SYCP1: variants seen among roughly 807,000 people sequenced by gnomAD.
The protein encoded by SYCP1 is cancer/testis antigen 8.
In SYCP1, 64 loss-of-function variants were observed where a neutral mutation model predicts 153.1. The ratio of observed to expected loss-of-function variants is 0.42; its 90% CI spans 0.34 to 0.51. The LOEUF (loss-of-function observed/expected upper bound fraction) is 0.51. SYCP1 is among the 20% of genes least tolerant of loss of function. SYCP1 has a pLI of 0.06. For missense variants in SYCP1, 997 were observed against 1,049.0 expected, an observed-to-expected ratio of 0.95 and a Z score of 0.68; for synonymous variants, 384 against 341.8, an observed-to-expected ratio of 1.12 and a Z score of -1.36.
chr1:114,984,595 A>T (rs1285271059), intron 29 of SYCP1, 130 bp from the exon 30 acceptor site: 2 of 692,192 alleles, frequency 2.9e-6, no homozygotes, highest in African/African-American at 3.8e-5. Context: ...TGCCTCATAT[A>T]CTTGCCAATA....
At chr1:114,917,135 C>T (rs995559118) in intron 20 of SYCP1, among the ~76,000 whole-genome samples, 11 of 152,004 alleles carry the variant, frequency 7.2e-5, no homozygotes, top group African/African-American at 2.4e-4. Flanking sequence ...TCCATTTCCT[C>T]CTATCACCAC....
At position 114,900,315 on chromosome 1, in the gene SYCP1, C is replaced by CT. The variant is rs1257622472; in HGVS notation, c.1320+4807dup. ...TTTTTTTTTGAGATGGAATTTCGCT[C>CT]TGTCACCCAGGCTGGAGTGCGGTGG... On this transcript the variant is annotated intron_variant, in intron 16 of 31. Coordinates refer to ENST00000369522, the MANE Select transcript of SYCP1 (RefSeq NM_003176.4). 2.0e-5 allele frequency among the ~76,000 whole-genome samples: 3 copies of CT among 151,930 alleles called. No individual in the cohort carries two copies. In the East Asian group the frequency reaches 5.8e-4, roughly 30 times the overall value.
At chr1:114,861,836 G>A (rs1017142945) in intron 8 of SYCP1, among the ~76,000 whole-genome samples, 2 of 96,254 alleles carry the variant, frequency 2.1e-5, no homozygotes, top group Non-Finnish European at 4.1e-5. Context: ...TTTCACTCTT[G>A]TTGCCCAACC....
chr1:114,899,001 G>A (rs1049790910), intron 16 of SYCP1, among the ~76,000 whole-genome samples: 1 of 152,186 alleles, frequency 6.6e-6, no homozygotes, highest in Non-Finnish European at 1.5e-5. Context: ...GCAGACAACG[G>A]TGTGAGGCCA....
At chr1:114,888,742 A>G (rs1010893242) in intron 15 of SYCP1, among the ~76,000 whole-genome samples, 2 of 152,100 alleles carry the variant, frequency 1.3e-5, no homozygotes, top group Non-Finnish European at 2.9e-5. Flanking sequence ...TCTAGGGTAC[A>G]TGTGCACAAC....
At chr1:114,947,110 C>G in intron 26 of SYCP1, 136 bp from the exon 27 acceptor site, 1 of 723,440 alleles carries the variant, frequency 1.4e-6, no homozygotes, top group Non-Finnish European at 2.3e-6. Flanking sequence ...TATCAGTTGA[C>G]TTTAAAAGTA....
At chr1:114,956,453 T>C (rs1033830662) in intron 27 of SYCP1, among the ~76,000 whole-genome samples, 2 of 152,180 alleles carry the variant, frequency 1.3e-5, no homozygotes, top group Non-Finnish European at 2.9e-5. Flanking sequence ...TGTGCAGGGT[T>C]CTCCTAGGAG....
chr1:114,956,121 C>T (rs1671418122), intron 27 of SYCP1, among the ~76,000 whole-genome samples: 1 of 152,192 alleles, frequency 6.6e-6, no homozygotes, highest in Non-Finnish European at 1.5e-5. Flanking sequence ...TCTAAGCCAT[C>T]CTGAATAGGA....
At chr1:114,991,840 A>C (rs182927009) in intron 30 of SYCP1, among the ~76,000 whole-genome samples, 1 of 151,826 alleles carries the variant, frequency 6.6e-6, no homozygotes, top group African/African-American at 2.4e-5. Context: ...AGGCATTCAG[A>C]TGGAAAGGAA....
chr1:114,886,642 A>G (rs1666327168), intron 14 of SYCP1, among the ~76,000 whole-genome samples: 1 of 152,116 alleles, frequency 6.6e-6, no homozygotes, highest in Non-Finnish European at 1.5e-5. Flanking sequence ...TCCTAGAAGT[A>G]GCTTCCAGGC....
intron 12 of SYCP1, 42 bp from the exon 13 acceptor site, chr1:114,885,493 A>G (rs1316125103): frequency 9.4e-6 from 11 of 1,165,174 alleles, no homozygotes; most frequent in Non-Finnish European, 1.4e-5. Context: ...CTTGGTATAT[A>G]TCTTCTGCTA....
At chr1:114,914,093 A>G (rs777885113) in intron 20 of SYCP1, 48 bp downstream of exon 20, 1 of 1,402,978 alleles carries the variant, frequency 7.1e-7, no homozygotes, top group East Asian at 2.4e-5. Flanking sequence ...AGATTTTGAT[A>G]TTTCTTTTCT....
Position 114,994,869 on chromosome 1 carries a change from A to AT in SYCP1, c.2794-9dup. On this transcript the variant is annotated splice_polypyrimidine_tract_variant and intron_variant, in intron 31 of 31. Coordinates refer to ENST00000369522, the MANE Select transcript of SYCP1 (RefSeq NM_003176.4). The stretch of plus-strand genomic sequence containing the variant: ...AAACATGTTATGATTTTTAAATTTT[A>AT]TTTTGTACTCAGGCCCCTTCATCTC... 6.3e-7 allele frequency: 1 copy of AT among 1,578,074 alleles called. No individual in the cohort carries two copies. The highest frequency in any genetic ancestry group is 8.6e-7 in the Non-Finnish European group (1 of 1,169,072).
intron 8 of SYCP1, among the ~76,000 whole-genome samples, chr1:114,871,762 G>A (rs1665147559): frequency 6.6e-6 from 1 of 151,458 alleles, no homozygotes; most frequent in Admixed American, 6.6e-5. Context: ...ATTTTTGTAT[G>A]TTTAGTAGAG....
intron 15 of SYCP1, among the ~76,000 whole-genome samples, chr1:114,888,753 G>A (rs535152919): frequency 5.3e-5 from 8 of 151,870 alleles, no homozygotes; most frequent in Non-Finnish European, 1.2e-4. Flanking sequence ...TGTGCACAAC[G>A]TGTAGGTTTG....
At chr1:114,925,437 T>A (rs907132319) in intron 21 of SYCP1, among the ~76,000 whole-genome samples, 1 of 152,208 alleles carries the variant, frequency 6.6e-6, no homozygotes, top group African/African-American at 2.4e-5. Context: ...TTTAGCATAT[T>A]TCAGTTTTCC....
intron 30 of SYCP1, among the ~76,000 whole-genome samples, chr1:114,986,692 G>C (rs904149196): frequency 6.6e-6 from 1 of 151,914 alleles, no homozygotes; most frequent in South Asian, 2.1e-4. Flanking sequence ...TTTAAAAATG[G>C]GTTGTTGAGC....
At position 114,976,055 on chromosome 1, in the gene SYCP1, G is replaced by GA. The variant is rs143731342; in HGVS notation, c.2323-1496dup. Among the ~76,000 whole-genome samples the GA allele has an allele frequency of 4.8e-3, 735 of 151,854 alleles. 7 individuals are homozygous for GA. The highest frequency in any genetic ancestry group is 0.017 in the African/African-American group (688 of 41,506). On this transcript the variant is annotated intron_variant, in intron 27 of 31. Transcript: ENST00000369522. ...CTGATATGCTTGCACTCTGACCAGT[G>GA]AAAAAATAGTGGCATTATAGATTCC...
At chr1:114,992,194 G>T (rs1341366588) in intron 30 of SYCP1, among the ~76,000 whole-genome samples, 2 of 151,732 alleles carry the variant, frequency 1.3e-5, no homozygotes, top group African/African-American at 4.8e-5. Context: ...TTTATTGATA[G>T]AAAGACTAAA....
Sources: gnomAD v4.1 joint callset for allele counts (sites outside exome capture counted in the v4.1 genomes callset) on GRCh38, gnomAD v4.1.1 for gene constraint, MANE v1.5 for transcripts, NCBI Gene and HGNC (gene_info 2026-07-23, HGNC 2026-07-21) for gene names.